The following SUSD6 variants were observed in gnomAD, a reference collection of about 807,000 sequenced individuals.
The protein encoded by SUSD6 is sushi domain containing 6.
SUSD6 carries 16 observed loss-of-function variants against 28.4 expected under a neutral mutation model. The observed-to-expected ratio is 0.56, with a 90% CI of 0.38 to 0.86. SUSD6 has a LOEUF of 0.86. Ranked by LOEUF, SUSD6 falls within the 40% of genes least tolerant of loss-of-function variation. SUSD6 has a pLI of 0.00. For missense variants in SUSD6, 341 were observed against 384.2 expected, an observed-to-expected ratio of 0.89 and a Z score of 0.94; for synonymous variants, 147 against 159.6, an observed-to-expected ratio of 0.92 and a Z score of 0.59.
At chr14:69,649,055 G>A (rs1885467428) in intron 1 of SUSD6, among the ~76,000 whole-genome samples, 1 of 152,168 alleles carries the variant, frequency 6.6e-6, no homozygotes, top group African/African-American at 2.4e-5. Context: ...CCCATCAGAA[G>A]TCTTTGTTCC....
intron 1 of SUSD6, among the ~76,000 whole-genome samples, chr14:69,638,341 TAAGA>T (rs1566592090): frequency 1.3e-5 from 2 of 151,724 alleles, no homozygotes; most frequent in Non-Finnish European, 2.9e-5. Context: ...TGTAAGGACC[TAAGA>T]AAGACGCAAA....
At chr14:69,618,895 C>G (rs953798376) in intron 1 of SUSD6, among the ~76,000 whole-genome samples, 2 of 152,126 alleles carry the variant, frequency 1.3e-5, no homozygotes, top group Non-Finnish European at 2.9e-5. Context: ...ACCAAAACTC[C>G]CAGCACAACA....
At chr14:69,710,048 T>C (rs1172547215) in intron 5 of SUSD6, among the ~76,000 whole-genome samples, 4 of 152,258 alleles carry the variant, frequency 2.6e-5, no homozygotes, top group Admixed American at 6.5e-5. Context: ...TGGAGCTTCC[T>C]GGTTATCAAC....
chr14:69,677,371 C>T (rs112976671), intron 2 of SUSD6, among the ~76,000 whole-genome samples: 96 of 151,220 alleles, frequency 6.3e-4, no homozygotes, highest in African/African-American at 2.2e-3. Context: ...CGGTGAAACC[C>T]CGTCTCTACT....
intron 1 of SUSD6, among the ~76,000 whole-genome samples, chr14:69,624,657 G>A (rs556013620): frequency 6.6e-6 from 1 of 152,244 alleles, no homozygotes; most frequent in South Asian, 2.1e-4. Context: ...GTTTCTCCAT[G>A]TTGGTCAGGC....
At chr14:69,705,765 T>G (rs1255657173) in intron 4 of SUSD6, among the ~76,000 whole-genome samples, 1 of 152,250 alleles carries the variant, frequency 6.6e-6, no homozygotes, top group Non-Finnish European at 1.5e-5. Flanking sequence ...TGCCTGCCTT[T>G]ATCAGTTTCC....
intron 2 of SUSD6, among the ~76,000 whole-genome samples, chr14:69,700,191 C>T (rs116540732): frequency 6.6e-6 from 1 of 152,092 alleles, no homozygotes; most frequent in Non-Finnish European, 1.5e-5. Context: ...TCAGGCTGCT[C>T]TTTGTTAGAA....
intron 2 of SUSD6, among the ~76,000 whole-genome samples, chr14:69,688,178 C>G (rs1465517517): frequency 6.6e-6 from 1 of 152,206 alleles, no homozygotes; most frequent in Non-Finnish European, 1.5e-5. Context: ...TGTTCCTCTT[C>G]CACCTCCCTC....
intron 2 of SUSD6, among the ~76,000 whole-genome samples, chr14:69,658,988 A>G (rs942192809): frequency 1.3e-5 from 2 of 152,144 alleles, no homozygotes; most frequent in African/African-American, 4.8e-5. Context: ...TAAGGTTCAG[A>G]GCACAATATG....
intron 1 of SUSD6, chr14:69,615,646 G>C (rs1884948953): frequency 6.6e-6 from 1 of 152,276 alleles, no homozygotes; most frequent in Non-Finnish European, 1.5e-5. Context: ...CTTCAGCCGT[G>C]AAAGGCCAAC....
At chr14:69,684,778 A>G (rs1219121353) in intron 2 of SUSD6, among the ~76,000 whole-genome samples, 1 of 152,226 alleles carries the variant, frequency 6.6e-6, no homozygotes, top group Non-Finnish European at 1.5e-5. Context: ...TTCCCCTGCC[A>G]GGAGATGTGG....
At chr14:69,670,512 G>A in intron 2 of SUSD6, 1 of 456,778 alleles carries the variant, frequency 2.2e-6, no homozygotes, top group Non-Finnish European at 4.4e-6. Context: ...CTAAAGGCAA[G>A]TGAGTTAACG....
chr14:69,669,845 C>G (rs972996340), intron 2 of SUSD6, among the ~76,000 whole-genome samples: 4 of 152,154 alleles, frequency 2.6e-5, no homozygotes, highest in African/African-American at 9.7e-5. Flanking sequence ...AGCTCCTAGT[C>G]GTAGTTCTTT....
At position 69,713,132 on chromosome 14, in the gene SUSD6, T is replaced by G. The variant is rs898147506; in HGVS notation, c.*2153T>G. 3.3e-5 allele frequency: 5 copies of G among 152,252 alleles called. No homozygotes were observed. The highest frequency in any genetic ancestry group is 5.9e-5 in the Non-Finnish European group (4 of 68,048). The allele number at this position is 152,252 out of a possible 1,614,324, so 9.4% of individuals were successfully genotyped here. A position where few individuals can be genotyped will look rare whatever the true frequency, so the allele number is the denominator to read the frequency against. ...GGTTTTTAAAATGGAAGATCTTACC[T>G]TTTTCTATCTTGTTACTCTGGGGTT... On this transcript the variant is annotated 3_prime_UTR_variant, in exon 6 of 6. Coordinates refer to ENST00000342745, the MANE Select transcript of SUSD6 (RefSeq NM_014734.4).
At chr14:69,675,668 C>G (rs1223045628) in intron 2 of SUSD6, among the ~76,000 whole-genome samples, 1 of 152,186 alleles carries the variant, frequency 6.6e-6, no homozygotes, top group South Asian at 2.1e-4. Flanking sequence ...TGTACAAACA[C>G]TTGCTTGTAT....
intron 2 of SUSD6, among the ~76,000 whole-genome samples, chr14:69,679,579 T>C (rs1396666941): frequency 7.6e-6 from 1 of 131,462 alleles, no homozygotes; most frequent in Non-Finnish European, 1.6e-5. Flanking sequence ...TTTATTTTGC[T>C]TTTTTTTTTT....
chr14:69,709,096 A>G lies in SUSD6; in HGVS notation c.878A>G (p.Tyr293Cys). The stretch of plus-strand genomic sequence containing the variant: ...CTTTTATCCCTCACGTCAGAGGAGT[A>G]CACAGATGGTGAGTGGTCCAAGCTG... Reference protein sequence around the residue: ...QSLLSLTSEEYTDDIPLLKEA With the variant: ...QSLLSLTSEECTDDIPLLKEA Residue 293 changes from tyrosine to cysteine, a missense_variant, in exon 5 of 6, where the codon TAC (tyrosine) becomes TGC (cysteine). Coordinates refer to ENST00000342745, the MANE Select transcript of SUSD6 (RefSeq NM_014734.4). The G allele has an allele frequency of 6.3e-7, 1 of 1,584,748 alleles. No homozygotes were observed. Among genetic ancestry groups the G allele is most frequent in the Non-Finnish European group, 8.6e-7 (1 of 1,164,308 alleles).
intron 1 of SUSD6, among the ~76,000 whole-genome samples, chr14:69,619,425 G>A (rs887833775): frequency 1.3e-5 from 2 of 152,096 alleles, no homozygotes; most frequent in African/African-American, 4.8e-5. Context: ...GGCTGTGCCT[G>A]CTTAACTTTT....
At chr14:69,622,367 C>T (rs1200123076) in intron 1 of SUSD6, among the ~76,000 whole-genome samples, 1 of 151,980 alleles carries the variant, frequency 6.6e-6, no homozygotes, top group Non-Finnish European at 1.5e-5. Flanking sequence ...GGGGTTTTGC[C>T]ATGTTGCCCA....
Sources: allele counts gnomAD v4.1 joint callset (sites outside exome capture counted in the v4.1 genomes callset), GRCh38; gene constraint gnomAD v4.1.1; transcripts MANE v1.5; gene names NCBI Gene and HGNC (gene_info 2026-07-23, HGNC 2026-07-21).